Variants in CDH20 observed in about 807,000 individuals in gnomAD.
The protein encoded by CDH20 is cadherin 20.
Under a neutral mutation model 74.2 loss-of-function variants are expected in CDH20, and 29 were observed. The observed-to-expected ratio is 0.39, with a 90% CI of 0.29 to 0.53. The LOEUF is 0.53. Ranked by LOEUF, CDH20 falls within the 20% of genes least tolerant of loss-of-function variation. The pLI, the probability that CDH20 is intolerant of heterozygous loss-of-function variation, is 0.69. For synonymous variants in CDH20, 469 were observed against 405.4 expected (o/e 1.16, Z -1.88); for missense variants, 988 against 1,048.3 (o/e 0.94, Z 0.79).
chr18:61,505,948 T>A (rs1055992438), intron 5 of CDH20, among the ~76,000 whole-genome samples: 1 of 152,202 alleles, frequency 6.6e-6, no homozygotes, highest in African/African-American at 2.4e-5. Context: ...CTCTTATGCC[T>A]AATTAATCTA....
At chr18:61,410,585 T>C (rs1441652126) in intron 1 of CDH20, among the ~76,000 whole-genome samples, 1 of 152,184 alleles carries the variant, frequency 6.6e-6, no homozygotes, top group Non-Finnish European at 1.5e-5. Context: ...TAAAAGAGTA[T>C]ATGATTTAAA....
chr18:61,495,297 G>A (rs1410571599), intron 2 of CDH20, among the ~76,000 whole-genome samples: 1 of 152,202 alleles, frequency 6.6e-6, no homozygotes, highest in Non-Finnish European at 1.5e-5. Context: ...TGCCATTTTT[G>A]AAACCAAATG....
In CDH20 at chr18:61,554,326, C is replaced by T; in HGVS notation, c.2037C>T (p.Asp679=). The part of the protein sequence containing the change: ...GGGEEDTEAF[D]IAAMWNPREA... ...GCGAGGAGGACACCGAGGCCTTCGA[C>T]ATCGCGGCCATGTGGAACCCCCGGG... Residue 679 remains aspartate, a synonymous_variant, in exon 12 of 12, where the codon GAC becomes GAT. Coordinates refer to ENST00000262717, the MANE Select transcript of CDH20 (RefSeq NM_031891.4). 3.1e-6 allele frequency: 5 copies of T among 1,613,712 alleles called. No individual in the cohort carries two copies. Among genetic ancestry groups the T allele is most frequent in the Non-Finnish European group, 4.2e-6 (5 of 1,179,970 alleles).
chr18:61,480,457 G>A lies in CDH20; in HGVS notation c.-152-9945G>A, dbSNP rs368838612. ...ATGAGACATCAATCAATTTATGTAA[G>A]ATGTACATTGGTTCTGTCCAGAAAG... On this transcript the variant is annotated intron_variant, in intron 1 of 11. Coordinates refer to ENST00000262717, the MANE Select transcript of CDH20 (RefSeq NM_031891.4). Among the ~76,000 whole-genome samples the A allele has an allele frequency of 3.9e-5, 6 of 152,216 alleles. No individual in the cohort carries two copies. In the East Asian group the frequency reaches 7.7e-4, roughly 20 times the overall value.
intron 1 of CDH20, among the ~76,000 whole-genome samples, chr18:61,460,753 T>C (rs1203579591): frequency 2.6e-5 from 4 of 152,326 alleles, no homozygotes; most frequent in Admixed American, 6.5e-5. Context: ...GCATAAGCTG[T>C]TTTGCAGAGG....
chr18:61,461,348 ACC>A (rs1909765967), intron 1 of CDH20, among the ~76,000 whole-genome samples: 2 of 141,314 alleles, frequency 1.4e-5, no homozygotes, highest in Admixed American at 7.0e-5. Context: ...AAAAAAAAAA[ACC>A]AGAAATTTAT....
chr18:61,475,467 C>G (rs572356706), intron 1 of CDH20, among the ~76,000 whole-genome samples: 1 of 152,324 alleles, frequency 6.6e-6, no homozygotes, highest in South Asian at 2.1e-4. Flanking sequence ...ATGAGTATCT[C>G]ACTTCCAGAA....
At chr18:61,378,137 C>A (rs1911307262) in intron 1 of CDH20, among the ~76,000 whole-genome samples, 2 of 152,122 alleles carry the variant, frequency 1.3e-5, no homozygotes, top group South Asian at 4.1e-4. Flanking sequence ...ACCCCAGGAG[C>A]AGATTAAATA....
intron 2 of CDH20, among the ~76,000 whole-genome samples, chr18:61,497,764 CT>C (rs1237919519): frequency 6.6e-6 from 1 of 152,104 alleles, no homozygotes; most frequent in African/African-American, 2.4e-5. Context: ...ATCAAGGGCC[CT>C]GAATTTATAG....
chr18:61,402,829 G>C (rs988149307), intron 1 of CDH20, among the ~76,000 whole-genome samples: 1 of 152,154 alleles, frequency 6.6e-6, no homozygotes, highest in East Asian at 1.9e-4. Flanking sequence ...TTTTACACCA[G>C]AAAAGTTATT....
intron 1 of CDH20, among the ~76,000 whole-genome samples, chr18:61,409,339 A>G (rs1568128263): frequency 6.6e-6 from 1 of 152,166 alleles, no homozygotes; most frequent in Non-Finnish European, 1.5e-5. Context: ...TTAAGGGGAC[A>G]GGCACCTGTT....
intron 1 of CDH20, among the ~76,000 whole-genome samples, chr18:61,376,171 C>T (rs1911223424): frequency 6.6e-6 from 1 of 151,914 alleles, no homozygotes. Flanking sequence ...GTTCCTTATC[C>T]TGATTTTCAT....
In CDH20 at chr18:61,428,006, T is replaced by C. The variant is rs566773017; in HGVS notation, c.-152-62396T>C. Among the ~76,000 whole-genome samples, 30 of 152,322 alleles carry C rather than the reference T, an allele frequency of 2.0e-4. No homozygotes were observed. In the South Asian group the frequency reaches 5.8e-3, roughly 29 times the overall value. Reference sequence around the variant, plus strand: ...TGTTAAAGATAGAAGGATAAAGATATAGCCCCCTCCACAAACTTACACTCT... The same window carrying C: ...TGTTAAAGATAGAAGGATAAAGATACAGCCCCCTCCACAAACTTACACTCT... On this transcript the variant is annotated intron_variant, in intron 1 of 11. Transcript: ENST00000262717.
At chr18:61,427,792 G>T (rs768348087) in intron 1 of CDH20, among the ~76,000 whole-genome samples, 2 of 152,108 alleles carry the variant, frequency 1.3e-5, no homozygotes, top group African/African-American at 2.4e-5. Context: ...CTCCAGCTCT[G>T]TGGTTCTGAA....
At chr18:61,548,866 G>T (rs1215339198) in intron 10 of CDH20, among the ~76,000 whole-genome samples, 3 of 152,092 alleles carry the variant, frequency 2.0e-5, no homozygotes, top group Non-Finnish European at 4.4e-5. Flanking sequence ...CATTTAAGAG[G>T]ATAGAAAAGT....
At position 61,373,269 on chromosome 18, in the gene CDH20, C is replaced by G. The variant is rs1489802608; in HGVS notation, c.-153+39442C>G. Among the ~76,000 whole-genome samples the G allele has an allele frequency of 3.3e-5, 5 of 150,880 alleles. No individual in the cohort carries two copies. In the South Asian group the frequency reaches 1.0e-3, roughly 31 times the overall value. ...CCCCATCTCAATGTATCTAACTTTTCTACTTTGGGGTTTTGTTTTGTTGTC... is the reference window on the plus strand; with the variant it reads ...CCCCATCTCAATGTATCTAACTTTTGTACTTTGGGGTTTTGTTTTGTTGTC... On this transcript the variant is annotated intron_variant, in intron 1 of 11. Coordinates refer to ENST00000262717, the MANE Select transcript of CDH20 (RefSeq NM_031891.4).
At chr18:61,362,599 T>A (rs1910733127) in intron 1 of CDH20, among the ~76,000 whole-genome samples, 1 of 151,944 alleles carries the variant, frequency 6.6e-6, no homozygotes, top group African/African-American at 2.4e-5. Flanking sequence ...ACTACGGAGA[T>A]GAAAGTATGA....
intron 1 of CDH20, among the ~76,000 whole-genome samples, chr18:61,451,560 G>A (rs760268782): frequency 4.6e-5 from 7 of 152,024 alleles, no homozygotes; most frequent in Non-Finnish European, 7.4e-5. Flanking sequence ...AGAAATCAGG[G>A]CCTGATTTAG....
intron 1 of CDH20, among the ~76,000 whole-genome samples, chr18:61,342,878 T>C (rs185388727): frequency 9.0e-4 from 137 of 152,242 alleles, no homozygotes; most frequent in Admixed American, 1.5e-3. Flanking sequence ...GAGAAAAAAA[T>C]CATTAAGTCA....
Sources: gnomAD v4.1 joint callset for allele counts (sites outside exome capture counted in the v4.1 genomes callset) on GRCh38, gnomAD v4.1.1 for gene constraint, MANE v1.5 for transcripts, NCBI Gene and HGNC (gene_info 2026-07-23, HGNC 2026-07-21) for gene names.